POLQ: variants seen among roughly 807,000 people sequenced by gnomAD.
The protein encoded by POLQ is DNA polymerase theta.
Under a neutral mutation model 259.2 loss-of-function variants are expected in POLQ, and 233 were observed. The ratio of observed to expected loss-of-function variants is 0.90; its 90% CI spans 0.81 to 1.00. The LOEUF is 1.00. POLQ is among the 50% of genes least tolerant of loss of function. The probability of loss-of-function intolerance (pLI) is 0.00; values close to 1 mark genes in which losing one functional copy is unlikely to be tolerated. For missense variants in POLQ, 2,871 were observed against 3,051.6 expected, an observed-to-expected ratio of 0.94 and a Z score of 1.39; for synonymous variants, 1,025 against 1,048.8, an observed-to-expected ratio of 0.98 and a Z score of 0.44.
At chr3:121,463,605 T>A (rs1010642716) in intron 24 of POLQ, among the ~76,000 whole-genome samples, 13 of 152,174 alleles carry the variant, frequency 8.5e-5, no homozygotes, top group African/African-American at 2.9e-4. Context: ...TCAGTGGACT[T>A]CCAAATTTAT....
At chr3:121,545,172 G>A (rs1676782284) in intron 1 of POLQ, among the ~76,000 whole-genome samples, 4 of 152,154 alleles carry the variant, frequency 2.6e-5, no homozygotes, top group Admixed American at 1.3e-4. Context: ...GGAATTACGG[G>A]TGTAGTTGGG....
intron 6 of POLQ, among the ~76,000 whole-genome samples, chr3:121,530,696 T>C (rs2048404990): frequency 2.0e-5 from 3 of 152,184 alleles, no homozygotes; most frequent in Admixed American, 2.0e-4. Flanking sequence ...GCCCTGCAAG[T>C]TCTCCATACT....
rs1228344484 is a variant in POLQ, at chr3:121,487,659, T to G, written c.5272A>C (p.Asn1758His). Residue 1758 changes from asparagine to histidine, a missense_variant, in exon 16 of 30, where the codon AAC (asparagine) becomes CAC (histidine). Asn to His is a moderately conservative substitution (Grantham distance 68, BLOSUM62 1). This residue lies in a region of POLQ where 2,080 missense variants were observed against 2,126.0 expected (regional missense o/e 0.98). Transcript: ENST00000264233. ...AAAACATTATTAGTTTTCCAAGGGTTTACAGGTGTTTCAAGAATCCCTGGA... is the reference window on the plus strand; with the variant it reads ...AAAACATTATTAGTTTTCCAAGGGTGTACAGGTGTTTCAAGAATCCCTGGA... ...TFPGILETPV[N>H]PWKTNNVLQP... is the part of the protein sequence containing the mutation. 8 of 1,613,942 alleles carry G rather than the reference T, an allele frequency of 5.0e-6. No homozygotes were observed. In the East Asian group the frequency reaches 1.8e-4, roughly 36 times the overall value.
chr3:121,532,580 C>T (rs1185203808), intron 6 of POLQ, among the ~76,000 whole-genome samples: 1 of 152,124 alleles, frequency 6.6e-6, no homozygotes, highest in African/African-American at 2.4e-5. Context: ...CGGCTCACTG[C>T]AGCCTCTGCC....
chr3:121,457,773 T>C (rs2047754882), intron 25 of POLQ, among the ~76,000 whole-genome samples: 1 of 152,122 alleles, frequency 6.6e-6, no homozygotes, highest in Non-Finnish European at 1.5e-5. Context: ...AGGAACACTT[T>C]TACACTGTTG....
intron 19 of POLQ, among the ~76,000 whole-genome samples, chr3:121,479,578 T>G (rs12635218): frequency 6.6e-6 from 1 of 151,782 alleles, no homozygotes; most frequent in Non-Finnish European, 1.5e-5. Flanking sequence ...CTCAGCCTCC[T>G]GAGTAGCTGG....
intron 22 of POLQ, among the ~76,000 whole-genome samples, chr3:121,469,105 T>C (rs1017952664): frequency 1.3e-5 from 2 of 151,546 alleles, no homozygotes; most frequent in Non-Finnish European, 2.9e-5. Context: ...GGAGAATTGC[T>C]TGAACCTGGG....
intron 21 of POLQ, among the ~76,000 whole-genome samples, chr3:121,472,980 T>C (rs557541056): frequency 3.9e-5 from 6 of 152,308 alleles, no homozygotes; most frequent in South Asian, 2.1e-4. Context: ...TCCCAGCACG[T>C]TGGGAGGCTG....
chr3:121,439,427 C>A (rs533201064), intron 27 of POLQ, among the ~76,000 whole-genome samples: 4 of 152,136 alleles, frequency 2.6e-5, no homozygotes, highest in African/African-American at 9.6e-5. Context: ...TATAGGTGAT[C>A]TCACTATGTT....
rs150356122 is a variant in POLQ, at chr3:121,496,817, C to T, written c.2269G>A (p.Val757Ile). 76 of 1,612,174 alleles carry T rather than the reference C, an allele frequency of 4.7e-5. No homozygotes were observed. The highest frequency in any genetic ancestry group is 6.0e-5 in the Non-Finnish European group (71 of 1,179,686). Residue 757 changes from valine to isoleucine, a missense_variant, in exon 14 of 30, where the codon GTT becomes ATT. By Grantham distance (29) the Val-to-Ile change is conservative (BLOSUM62 3). Around this residue, in one of 3 missense-constraint regions of POLQ, gnomAD observed 8 missense variants for 19.3 expected, o/e 0.41. Coordinates refer to ENST00000264233, the MANE Select transcript of POLQ (RefSeq NM_199420.4). ...CCTTTGTTTAACTGACCTGCATAAACAGCAGCTGACTGTTGCAAAGATTGA... is the reference window on the plus strand; with the variant it reads ...CCTTTGTTTAACTGACCTGCATAAATAGCAGCTGACTGTTGCAAAGATTGA... ...QIQSLQQSAA[V>I]YAGMITVFSN... is the part of the protein sequence containing the mutation.
chr3:121,520,452 C>T lies in POLQ; in HGVS notation c.1256-369G>A, dbSNP rs559858335. ...TCAGGAGGCTGAGGCAGGAGAATCA[C>T]TTGAACCTGGGAGGCAGAGTTTGCA... On this transcript the variant is annotated intron_variant, in intron 8 of 29. Transcript: ENST00000264233. Among the ~76,000 whole-genome samples, 13 of 152,280 alleles carry T rather than the reference C, an allele frequency of 8.5e-5. 1 individual carries two copies. In the South Asian group the frequency reaches 1.0e-3, roughly 12 times the overall value.
chr3:121,461,994 T>C (rs965841992), intron 24 of POLQ, among the ~76,000 whole-genome samples: 1 of 152,082 alleles, frequency 6.6e-6, no homozygotes, highest in African/African-American at 2.4e-5. Context: ...AATCCAAAAT[T>C]CCAAAATCCA....
At chr3:121,443,448 A>G (rs2047609509) in intron 26 of POLQ, among the ~76,000 whole-genome samples, 1 of 151,812 alleles carries the variant, frequency 6.6e-6, no homozygotes, top group South Asian at 2.1e-4. Flanking sequence ...TTTTAAAATC[A>G]GATTTTTTTT....
At chr3:121,520,843 T>C (rs928584544) in intron 8 of POLQ, among the ~76,000 whole-genome samples, 1 of 152,216 alleles carries the variant, frequency 6.6e-6, no homozygotes, top group Non-Finnish European at 1.5e-5. Context: ...TCAAGATATC[T>C]TCAGGGCCTA....
chr3:121,451,834 G>A (rs531784697), intron 25 of POLQ, among the ~76,000 whole-genome samples: 14 of 152,340 alleles, frequency 9.2e-5, no homozygotes, highest in Non-Finnish European at 1.5e-4. Flanking sequence ...GGACATTTAA[G>A]TCTGCAGAGG....
chr3:121,473,423 G>A lies in POLQ; in HGVS notation c.6470C>T (p.Thr2157Ile), dbSNP rs146682510. Residue 2157 changes from threonine to isoleucine, a missense_variant, in exon 21 of 30, where the codon ACT becomes ATT. Around this residue, in one of 3 missense-constraint regions of POLQ, gnomAD observed 2,080 missense variants for 2,126.0 expected, o/e 0.98. Coordinates refer to ENST00000264233, the MANE Select transcript of POLQ (RefSeq NM_199420.4). Reference sequence around the variant, plus strand: ...AATCCCTCTTCTGGTAGAACCCAGAGTTTTCTTGCTGCCTTGGTTTTTCAT... The same window carrying A: ...AATCCCTCTTCTGGTAGAACCCAGAATTTTCTTGCTGCCTTGGTTTTTCAT... ...REMKNQGSKK[T>I]LGSTRRGIDN... 1.1e-5 allele frequency: 18 copies of A among 1,613,816 alleles called. No individual in the cohort carries two copies. Among genetic ancestry groups the A allele is most frequent in the Middle Eastern group, 1.6e-4 (1 of 6,062 alleles).
intron 3 of POLQ, among the ~76,000 whole-genome samples, chr3:121,539,888 A>C (rs934950984): frequency 6.6e-6 from 1 of 152,198 alleles, no homozygotes; most frequent in African/African-American, 2.4e-5. Flanking sequence ...AACTACCTTA[A>C]GCACTAACAT....
At chr3:121,458,571 T>C (rs902927267) in intron 25 of POLQ, among the ~76,000 whole-genome samples, 1 of 152,232 alleles carries the variant, frequency 6.6e-6, no homozygotes, top group Admixed American at 6.5e-5. Flanking sequence ...TCATGGGTTA[T>C]GAGAATTAAA....
At chr3:121,515,021 A>G (rs1378857996) in intron 9 of POLQ, among the ~76,000 whole-genome samples, 1 of 152,146 alleles carries the variant, frequency 6.6e-6, no homozygotes, top group Non-Finnish European at 1.5e-5. Flanking sequence ...GACCTGCCCC[A>G]GGTGGAAGAT....
Sources: allele counts gnomAD v4.1 joint callset (sites outside exome capture counted in the v4.1 genomes callset), GRCh38; gene constraint gnomAD v4.1.1; regional missense constraint gnomAD v4.1.1; transcripts MANE v1.5; gene names NCBI Gene and HGNC (gene_info 2026-07-23, HGNC 2026-07-21).